PPARD: variants seen among roughly 807,000 people sequenced by gnomAD.
PPARD encodes peroxisome proliferator-activated receptor delta.
In PPARD, 6 loss-of-function variants were observed where a neutral mutation model predicts 39.5. The ratio of observed to expected loss-of-function variants is 0.15; its 90% CI spans 0.08 to 0.30. The LOEUF is 0.30. Among genes scored for constraint, PPARD ranks in the 10% least tolerant of loss-of-function variants. The pLI, the probability that PPARD is intolerant of heterozygous loss-of-function variation, is 1.00. For missense variants in PPARD, 397 were observed against 596.8 expected, an observed-to-expected ratio of 0.67 and a Z score of 3.49; for synonymous variants, 210 against 231.3, an observed-to-expected ratio of 0.91 and a Z score of 0.83.
Position 35,412,396 on chromosome 6 carries a change from G to A in PPARD, c.130+1179G>A, listed in dbSNP as rs1179028618. ...GCACTCGCTGCTGCTTTCAGCTGCAGGAGATCCTAGCCACAGGCGGTGACT... is the reference window on the plus strand; with the variant it reads ...GCACTCGCTGCTGCTTTCAGCTGCAAGAGATCCTAGCCACAGGCGGTGACT... On this transcript the variant is annotated intron_variant, in intron 3 of 7. Transcript: ENST00000360694. This position sits in a 1 kb window ranked among gnomAD's most constrained non-coding sequence, Gnocchi z 4.1. Among the ~76,000 whole-genome samples, 1 of 152,230 alleles carries A rather than the reference G, an allele frequency of 6.6e-6. No individual in the cohort carries two copies. The highest frequency in any genetic ancestry group is 1.5e-5 in the Non-Finnish European group (1 of 68,038).
At chr6:35,421,774 C>G in intron 4 of PPARD, 46 bp from the exon 5 acceptor site, 1 of 1,562,828 alleles carries the variant, frequency 6.4e-7, no homozygotes. Flanking sequence ...CACAGCCTCC[C>G]TCCCACCTCC....
At chr6:35,356,693 C>T (rs116214896) in intron 2 of PPARD, among the ~76,000 whole-genome samples, 3 of 152,304 alleles carry the variant, frequency 2.0e-5, no homozygotes, top group Non-Finnish European at 4.4e-5. Context: ...CTTCTCCCCT[C>T]CCCAGCTGTA....
At chr6:35,393,647 AT>A (rs1156233572) in intron 2 of PPARD, among the ~76,000 whole-genome samples, 3 of 152,170 alleles carry the variant, frequency 2.0e-5, no homozygotes, top group African/African-American at 4.8e-5. Context: ...TTATGTGAGA[AT>A]TGGGAGGTGA....
intron 2 of PPARD, among the ~76,000 whole-genome samples, chr6:35,347,770 G>A (rs536510933): frequency 2.0e-3 from 299 of 151,826 alleles, no homozygotes; most frequent in African/African-American, 6.7e-3. Context: ...CACCACGCCC[G>A]GCTAATTTTT....
chr6:35,406,551 T>C (rs1021539729), intron 2 of PPARD, among the ~76,000 whole-genome samples: 7 of 152,244 alleles, frequency 4.6e-5, no homozygotes, highest in Admixed American at 2.0e-4. Flanking sequence ...CCAAGGGACG[T>C]GGGTAGGTTT....
intron 2 of PPARD, among the ~76,000 whole-genome samples, chr6:35,365,130 CTTTTTTTTTTTT>C (rs551946022): frequency 8.3e-6 from 1 of 121,088 alleles, no homozygotes; most frequent in African/African-American, 3.4e-5. Context: ...CTTCCTTATT[CTTTTTTTTTTTT>C]TTTTTTTTGA....
At chr6:35,348,172 T>G (rs1212486156) in intron 2 of PPARD, among the ~76,000 whole-genome samples, 1 of 152,124 alleles carries the variant, frequency 6.6e-6, no homozygotes. Context: ...CCTCCCAGAG[T>G]GCTGGGATTA....
At chr6:35,374,154 C>T (rs542393124) in intron 2 of PPARD, among the ~76,000 whole-genome samples, 26 of 152,196 alleles carry the variant, frequency 1.7e-4, no homozygotes, top group African/African-American at 6.0e-4. Flanking sequence ...CTCCAAAGAG[C>T]TTTTCCACTC....
chr6:35,373,617 A>G (rs889171470), intron 2 of PPARD, among the ~76,000 whole-genome samples: 2 of 151,652 alleles, frequency 1.3e-5, no homozygotes, highest in South Asian at 4.2e-4. Context: ...TCTGTCTTAT[A>G]CTATGACTGT....
chr6:35,404,590 A>G lies in PPARD; in HGVS notation c.-101-6397A>G, dbSNP rs59729567. 4.2e-3 allele frequency among the ~76,000 whole-genome samples: 646 copies of G among 152,330 alleles called. 8 individuals carry two copies. Among genetic ancestry groups the G allele is most frequent in the African/African-American group, 0.013 (534 of 41,578 alleles). On this transcript the variant is annotated intron_variant, in intron 2 of 7. Transcript: ENST00000360694. ...TGGGCATCAGGGAAACACCTGAGTC[A>G]CCACGAGGAGTACGAGGCACTTGGG... is the stretch of plus-strand genomic sequence containing the variant.
At chr6:35,386,394 G>A (rs1763664050) in intron 2 of PPARD, among the ~76,000 whole-genome samples, 1 of 150,808 alleles carries the variant, frequency 6.6e-6, no homozygotes, top group African/African-American at 2.4e-5. Flanking sequence ...GGGAGGCTGA[G>A]GTGGAAGGAT....
rs200735766 is a variant in PPARD at position 35,347,050 on chromosome 6, T to C, written c.-185-17T>C. On this transcript the variant is annotated splice_polypyrimidine_tract_variant and intron_variant, in intron 1 of 7. Coordinates refer to ENST00000360694, the MANE Select transcript of PPARD (RefSeq NM_006238.5). ...CACCTGTCAGCTAAAGCTGTTGGGG[T>C]TTTTTCTATCCTGCAGTGTTGTACA... 36 of 1,496,902 alleles carry C rather than the reference T, an allele frequency of 2.4e-5. No individual in the cohort carries two copies. The African/African-American group carries it at 4.9e-4, about 20-fold the overall frequency. The allele number at this position is 1,496,902 out of a possible 1,614,324, so 92.7% of individuals were successfully genotyped here. A position where few individuals can be genotyped will look rare whatever the true frequency, so the allele number is the denominator to read the frequency against.
At chr6:35,418,181 C>T (rs1765899912) in intron 3 of PPARD, among the ~76,000 whole-genome samples, 1 of 152,212 alleles carries the variant, frequency 6.6e-6, no homozygotes, top group Non-Finnish European at 1.5e-5. Flanking sequence ...AAGAAATGCC[C>T]CAACACGAGC....
At chr6:35,383,379 A>G (rs1163847141) in intron 2 of PPARD, among the ~76,000 whole-genome samples, 2 of 151,490 alleles carry the variant, frequency 1.3e-5, no homozygotes, top group Admixed American at 1.3e-4. Flanking sequence ...CCGGCTCGCT[A>G]CAACCTCCAC....
intron 2 of PPARD, among the ~76,000 whole-genome samples, chr6:35,371,134 A>G (rs1762460429): frequency 1.3e-5 from 2 of 152,124 alleles, no homozygotes; most frequent in South Asian, 4.1e-4. Flanking sequence ...ATTGCTTTTT[A>G]TTATTACTTC....
At chr6:35,384,285 A>G (rs2150608810) in intron 2 of PPARD, among the ~76,000 whole-genome samples, 1 of 132,140 alleles carries the variant, frequency 7.6e-6, no homozygotes, top group South Asian at 2.4e-4. Context: ...CCGCCAGGCC[A>G]GCCGCCCCGT....
chr6:35,364,791 C>T (rs1394468879), intron 2 of PPARD, among the ~76,000 whole-genome samples: 3 of 150,926 alleles, frequency 2.0e-5, no homozygotes, highest in African/African-American at 7.3e-5. Context: ...CTCACTGCAA[C>T]CTCCACCTCC....
intron 2 of PPARD, among the ~76,000 whole-genome samples, chr6:35,406,115 AGG>A (rs762126055): frequency 6.7e-6 from 1 of 149,164 alleles, no homozygotes; most frequent in Non-Finnish European, 1.5e-5. Context: ...TAGTAGAGAC[AGG>A]GTTTTGCCAT....
At chr6:35,416,907 C>G (rs1008929932) in intron 3 of PPARD, among the ~76,000 whole-genome samples, 1 of 151,634 alleles carries the variant, frequency 6.6e-6, no homozygotes, top group Non-Finnish European at 1.5e-5. Context: ...TATTTTTTTC[C>G]TGTAGGCACA....
Sources: allele counts gnomAD v4.1 joint callset (sites outside exome capture counted in the v4.1 genomes callset), GRCh38; gene constraint gnomAD v4.1.1; non-coding constraint Gnocchi (gnomAD v3.1); transcripts MANE v1.5; gene names NCBI Gene and HGNC (gene_info 2026-07-23, HGNC 2026-07-21).